OSBPL9: variants seen among roughly 807,000 people sequenced by gnomAD.
OSBPL9 encodes oxysterol binding protein like 9.
OSBPL9 carries 40 observed loss-of-function variants against 106.6 expected under a neutral mutation model. The ratio of observed to expected loss-of-function variants is 0.38; its 90% CI spans 0.29 to 0.49. The LOEUF (loss-of-function observed/expected upper bound fraction) is 0.49, where lower values mean the gene tolerates loss of function less well. Ranked by LOEUF, OSBPL9 falls within the 20% of genes least tolerant of loss-of-function variation. The pLI is 0.97. For synonymous variants in OSBPL9, 269 were observed against 295.4 expected (o/e 0.91, Z 0.92); for missense variants, 609 against 887.2 (o/e 0.69, Z 3.98).
rs1358701047 is a variant in OSBPL9 at position 51,788,712 on chromosome 1, TAG to T, written c.*926_*927del. ...TTTATCCAAAAATGTTTTATTGCCT[TAG>T]AGGGTTTGGGAAGAGTGTGTATTTA... On this transcript the variant is annotated 3_prime_UTR_variant, in exon 24 of 24. Transcript: ENST00000428468. 6.6e-6 allele frequency among the ~76,000 whole-genome samples: 1 copy of T among 152,124 alleles called. No homozygotes were observed. The highest frequency in any genetic ancestry group is 1.5e-5 in the Non-Finnish European group (1 of 68,024).
chr1:51,574,482 G>C (rs554183109), upstream of OSBPL9, among the ~76,000 whole-genome samples: 1 of 152,226 alleles, frequency 6.6e-6, no homozygotes, highest in African/African-American at 2.4e-5. Flanking sequence ...AGCCAGGCGC[G>C]GTGGCGGATG....
rs1677097119 is a variant in OSBPL9, at chr1:51,784,345, C to T, written c.1688+18C>T. On this transcript the variant is annotated intron_variant, in intron 19 of 23. Transcript: ENST00000428468. The stretch of plus-strand genomic sequence containing the variant: ...TATGGAAGGCAAGTGTGTCCATTTC[C>T]TCTGATCAGCAGTAGACTCTGCTGT... 1 of 1,611,548 alleles carries T rather than the reference C, an allele frequency of 6.2e-7. No homozygotes were observed. Among genetic ancestry groups the T allele is most frequent in the African/African-American group, 1.3e-5 (1 of 74,842 alleles).
chr1:51,541,852 T>A, the OSBPL9 span, among the ~76,000 whole-genome samples: 1 of 152,064 alleles, frequency 6.6e-6, no homozygotes, highest in African/African-American at 2.4e-5. Context: ...GGGAGAATAG[T>A]AAACACAAAT....
Position 51,784,344 on chromosome 1 carries a change from C to T in OSBPL9, c.1688+17C>T. 6.2e-7 allele frequency: 1 copy of T among 1,611,856 alleles called. No individual in the cohort carries two copies. Among genetic ancestry groups the T allele is most frequent in the Non-Finnish European group, 8.5e-7 (1 of 1,177,908 alleles). On this transcript the variant is annotated intron_variant, in intron 19 of 23. Coordinates refer to ENST00000428468, the MANE Select transcript of OSBPL9 (RefSeq NM_024586.6). The stretch of plus-strand genomic sequence containing the variant: ...CTATGGAAGGCAAGTGTGTCCATTT[C>T]CTCTGATCAGCAGTAGACTCTGCTG...
chr1:51,525,463 T>C, the OSBPL9 span, among the ~76,000 whole-genome samples: 2 of 152,212 alleles, frequency 1.3e-5, no homozygotes, highest in Non-Finnish European at 2.9e-5. Flanking sequence ...ATAATCACAG[T>C]TGTGTCTCAG....
At chr1:51,549,993 G>C in the OSBPL9 span, among the ~76,000 whole-genome samples, 1 of 152,222 alleles carries the variant, frequency 6.6e-6, no homozygotes, top group South Asian at 2.1e-4. Flanking sequence ...TGCTTTGTTA[G>C]AGTTATTTAT....
Position 51,786,422 on chromosome 1 carries a change from A to G in OSBPL9, c.1909-104A>G, listed in dbSNP as rs566238387. ...TTAACAGGAGGAGCCAGTTAACTGC[A>G]TTTTGGACCTAGAGAATTTGAAGTG... On this transcript the variant is annotated intron_variant, in intron 21 of 23. Coordinates refer to ENST00000428468, the MANE Select transcript of OSBPL9 (RefSeq NM_024586.6). 31 of 714,084 alleles carry G rather than the reference A, an allele frequency of 4.3e-5. 2 individuals are homozygous for G. The South Asian group carries it at 5.6e-4, about 13-fold the overall frequency. The allele number at this position is 714,084 out of a possible 1,614,324, so 44.2% of individuals were successfully genotyped here.
intron 4 of OSBPL9, among the ~76,000 whole-genome samples, chr1:51,714,347 A>AT (rs1272601537): frequency 5.6e-4 from 86 of 152,302 alleles, no homozygotes; most frequent in African/African-American, 1.9e-3. Context: ...AATATGCCAG[A>AT]TTTATTTTAA....
intron 1 of OSBPL9, among the ~76,000 whole-genome samples, chr1:51,623,320 G>A (rs12058362): frequency 0.031 from 4,771 of 152,276 alleles, 145 homozygotes; most frequent in Middle Eastern, 0.088. Context: ...ATGCTTAAAT[G>A]GTGTAGGGAT....
chr1:51,589,419 CATTA>C (rs955743458), intron 1 of OSBPL9, among the ~76,000 whole-genome samples: 34 of 152,054 alleles, frequency 2.2e-4, no homozygotes, highest in African/African-American at 7.5e-4. Flanking sequence ...GAATAATGCA[CATTA>C]ATTGAGTGCA....
the OSBPL9 span, among the ~76,000 whole-genome samples, chr1:51,557,793 T>C: frequency 3.3e-5 from 5 of 152,300 alleles, no homozygotes; most frequent in South Asian, 1.0e-3. Context: ...GCACAGACCA[T>C]ATGATGTAAG....
intron 4 of OSBPL9, among the ~76,000 whole-genome samples, chr1:51,741,284 A>G (rs1442798847): frequency 6.6e-6 from 1 of 152,056 alleles, no homozygotes; most frequent in African/African-American, 2.4e-5. Context: ...TTCTCTCTCT[A>G]TTAAACTGGA....
intron 4 of OSBPL9, among the ~76,000 whole-genome samples, chr1:51,739,392 A>G (rs1666391983): frequency 2.0e-5 from 3 of 152,118 alleles, no homozygotes; most frequent in African/African-American, 7.2e-5. Flanking sequence ...AAAATTTAAT[A>G]TACATTGTGC....
chr1:51,769,608 T>C (rs1673401484), intron 12 of OSBPL9, among the ~76,000 whole-genome samples: 1 of 152,248 alleles, frequency 6.6e-6, no homozygotes, highest in Non-Finnish European at 1.5e-5. Context: ...TTGCATACTT[T>C]ATGATTTTAT....
At chr1:51,726,425 C>T (rs1186524550) in intron 4 of OSBPL9, among the ~76,000 whole-genome samples, 1 of 151,672 alleles carries the variant, frequency 6.6e-6, no homozygotes, top group African/African-American at 2.4e-5. Flanking sequence ...TCTTTTTTTT[C>T]TTCCATTGCT....
chr1:51,579,778 C>T (rs72663116), intron 1 of OSBPL9, among the ~76,000 whole-genome samples: 23,690 of 151,042 alleles, frequency 0.16, 3,607 homozygotes, highest in African/African-American at 0.4. Context: ...CACCTGAGCC[C>T]AGAGAGGTCA....
intron 1 of OSBPL9, among the ~76,000 whole-genome samples, chr1:51,578,055 A>G (rs149107118): frequency 3.3e-5 from 5 of 152,332 alleles, no homozygotes; most frequent in African/African-American, 1.2e-4. Context: ...TCCCTACCAG[A>G]CTAGTAAAAT....
intron 3 of OSBPL9, among the ~76,000 whole-genome samples, chr1:51,689,803 C>T (rs1009974565): frequency 6.6e-6 from 1 of 152,178 alleles, no homozygotes; most frequent in Non-Finnish European, 1.5e-5. Context: ...AAATTTGAAG[C>T]CTTCTGTTTC....
rs866427026 is a variant in OSBPL9, at chr1:51,712,195, G to A, written c.242-1808G>A. Among the ~76,000 whole-genome samples, 517 of 152,334 alleles carry A rather than the reference G, an allele frequency of 3.4e-3. 3 individuals carry two copies. The highest frequency in any genetic ancestry group is 0.011 in the African/African-American group (461 of 41,578). On this transcript the variant is annotated intron_variant, in intron 3 of 23. Coordinates refer to ENST00000428468, the MANE Select transcript of OSBPL9 (RefSeq NM_024586.6). Reference sequence around the variant, plus strand: ...GGAGGCCGAGGCTGGCGGATCACTCGCGGTTAGGGGCTGGAGACCGGCCCG... The same window carrying A: ...GGAGGCCGAGGCTGGCGGATCACTCACGGTTAGGGGCTGGAGACCGGCCCG...
Sources: allele counts gnomAD v4.1 joint callset (sites outside exome capture counted in the v4.1 genomes callset), GRCh38; gene constraint gnomAD v4.1.1; transcripts MANE v1.5; gene names NCBI Gene and HGNC (gene_info 2026-07-23, HGNC 2026-07-21).